The following DLGAP4 variants were observed in gnomAD, a reference collection of about 807,000 sequenced individuals.
DLGAP4 encodes the protein DLG associated protein 4, also known as disks large-associated protein 4.
In DLGAP4, 18 loss-of-function variants were observed where a neutral mutation model predicts 86.9. The ratio of observed to expected loss-of-function variants is 0.21; its 90% confidence interval spans 0.14 to 0.31. DLGAP4 has a LOEUF of 0.31. Ranked by LOEUF, DLGAP4 falls within the 10% of genes least tolerant of loss-of-function variation. DLGAP4 has a pLI of 1.00. For missense variants in DLGAP4, 1,085 were observed against 1,362.6 expected, an observed-to-expected ratio of 0.80 and a Z score of 3.21; for synonymous variants, 548 against 574.3, an observed-to-expected ratio of 0.95 and a Z score of 0.65.
chr20:36,518,991 C>T (rs1207096334), intron 10 of DLGAP4, among the ~76,000 whole-genome samples: 1 of 151,916 alleles, frequency 6.6e-6, no homozygotes, highest in African/African-American at 2.4e-5. Flanking sequence ...GTGGTGCGCG[C>T]CTGTAGTCCC....
chr20:36,447,016 G>A, intron 7 of DLGAP4, 79 bp downstream of exon 7: 1 of 1,518,192 alleles, frequency 6.6e-7, no homozygotes, highest in African/African-American at 1.4e-5. Context: ...GCCAGCCTGG[G>A]AGGATACAGG....
chr20:36,332,453 G>A (rs909716833), intron 1 of DLGAP4, among the ~76,000 whole-genome samples: 26 of 152,018 alleles, frequency 1.7e-4, no homozygotes, highest in African/African-American at 5.1e-4. Flanking sequence ...GCAGTGGCAC[G>A]ATCTCTGTTC....
chr20:36,462,707 G>A lies in DLGAP4; in HGVS notation c.1648+15770G>A, dbSNP rs1445557066. 7 of 1,407,268 alleles carry A rather than the reference G, an allele frequency of 5.0e-6. No homozygotes were observed. The East Asian group carries it at 1.6e-4, about 32-fold the overall frequency. The allele number at this position is 1,407,268 out of a possible 1,614,324, so 87.2% of individuals were successfully genotyped here. On this transcript the variant is annotated intron_variant, in intron 7 of 12. Transcript: ENST00000339266. ...CAAGGGCTGGCGCTAGGGCAAGGGG[G>A]CTCTGAGGCCTCCCACAAAGGGGGA...
At chr20:36,353,912 G>C (rs2030241866) in intron 1 of DLGAP4, among the ~76,000 whole-genome samples, 1 of 152,234 alleles carries the variant, frequency 6.6e-6, no homozygotes, top group African/African-American at 2.4e-5. Flanking sequence ...GAGTCAGAGA[G>C]GTTGAGCGTC....
At chr20:36,497,582 C>T in intron 8 of DLGAP4, 1 of 988,018 alleles carries the variant, frequency 1.0e-6, no homozygotes, top group Non-Finnish European at 1.2e-6. Flanking sequence ...TGCCCAGAGC[C>T]CTCTCGGGCC....
intron 2 of DLGAP4, among the ~76,000 whole-genome samples, chr20:36,369,432 A>C (rs1037377263): frequency 6.6e-6 from 1 of 152,194 alleles, no homozygotes; most frequent in Admixed American, 6.5e-5. Flanking sequence ...GTCTCCACTA[A>C]AAATACAAAA....
chr20:36,526,760 A>G lies in DLGAP4; in HGVS notation c.2761-53A>G, dbSNP rs2037795183. The G allele has an allele frequency of 3.7e-5, 55 of 1,494,956 alleles. No homozygotes were observed. In the South Asian group the frequency reaches 6.7e-4, roughly 18 times the overall value. 92.6% of individuals were successfully genotyped at this position (1,494,956 alleles called of 1,614,324 possible). The stretch of plus-strand genomic sequence containing the variant: ...GCATATGGTGGGGGTAGTGCCACAC[A>G]AAACGTGGCACCTTTATTTTATTTT... On this transcript the variant is annotated intron_variant, in intron 12 of 12. Coordinates refer to ENST00000339266, the MANE Select transcript of DLGAP4 (RefSeq NM_001365621.2).
intron 1 of DLGAP4, among the ~76,000 whole-genome samples, chr20:36,330,859 C>T (rs1027610067): frequency 5.9e-5 from 9 of 152,206 alleles, no homozygotes; most frequent in African/African-American, 1.4e-4. Context: ...AGGCGTGAGC[C>T]GCCACGCCCG....
chr20:36,476,293 C>CCCTTG (rs2034915404), intron 7 of DLGAP4, among the ~76,000 whole-genome samples: 1 of 151,040 alleles, frequency 6.6e-6, no homozygotes, highest in Non-Finnish European at 1.5e-5. Flanking sequence ...CCCCATTACC[C>CCCTTG]CCTTGCCTGG....
intron 1 of DLGAP4, among the ~76,000 whole-genome samples, chr20:36,321,880 G>A (rs915003936): frequency 2.0e-5 from 3 of 152,166 alleles, no homozygotes; most frequent in Non-Finnish European, 4.4e-5. Context: ...TTTTGATGCC[G>A]ACCTTCCAGA....
At chr20:36,461,974 C>T (rs1032692205) in intron 7 of DLGAP4, 1 of 985,000 alleles carries the variant, frequency 1.0e-6, no homozygotes, top group East Asian at 1.1e-4. Context: ...CTTCGGGACT[C>T]CCCCTCAGAG....
chr20:36,459,440 G>T (rs1600561071), intron 7 of DLGAP4, among the ~76,000 whole-genome samples: 1 of 152,060 alleles, frequency 6.6e-6, no homozygotes, highest in South Asian at 2.1e-4. Context: ...GCCGTGGCAG[G>T]ATCACAGCTC....
Position 36,416,652 on chromosome 20 carries a change from G to A in DLGAP4, c.-72-14994G>A, listed in dbSNP as rs182803677. ...GGAACCCAGAGGAGGCCTTACCCCCGACTTTTAAGGTCAGGGAAGATTTCT... is the reference window on the plus strand; with the variant it reads ...GGAACCCAGAGGAGGCCTTACCCCCAACTTTTAAGGTCAGGGAAGATTTCT... On this transcript the variant is annotated intron_variant, in intron 2 of 12. Coordinates refer to ENST00000339266, the MANE Select transcript of DLGAP4 (RefSeq NM_001365621.2). Among the ~76,000 whole-genome samples the A allele has an allele frequency of 4.5e-4, 69 of 152,072 alleles. No individual in the cohort carries two copies. In the East Asian group the frequency reaches 6.2e-3, roughly 14 times the overall value.
intron 1 of DLGAP4, among the ~76,000 whole-genome samples, chr20:36,325,865 G>C (rs1474707224): frequency 6.6e-6 from 1 of 151,762 alleles, no homozygotes; most frequent in Non-Finnish European, 1.5e-5. Context: ...TTATAGGCAC[G>C]CACCACCATG....
At chr20:36,363,109 G>C (rs1392188054) in intron 1 of DLGAP4, among the ~76,000 whole-genome samples, 2 of 152,198 alleles carry the variant, frequency 1.3e-5, no homozygotes, top group Non-Finnish European at 2.9e-5. Flanking sequence ...AGGGGGTAAG[G>C]TTCACAGACA....
At chr20:36,404,193 C>A (rs1706495266) in intron 2 of DLGAP4, among the ~76,000 whole-genome samples, 1 of 152,170 alleles carries the variant, frequency 6.6e-6, no homozygotes, top group Admixed American at 6.5e-5. Flanking sequence ...TGTCAGATGT[C>A]CACTCTAAAC....
At position 36,359,541 on chromosome 20, in the gene DLGAP4, G is replaced by A. The variant is rs149157648; in HGVS notation, c.-303-7504G>A. Among the ~76,000 whole-genome samples the A allele has an allele frequency of 1.2e-4, 19 of 152,246 alleles. No individual in the cohort carries two copies. In the East Asian group the frequency reaches 3.1e-3, roughly 25 times the overall value. ...GGCTCTGGAATCTGACCCAGAGTTC[G>A]AATCCCTGCTCAGCCATTTGCTTGC... On this transcript the variant is annotated intron_variant, in intron 1 of 12. Coordinates refer to ENST00000339266, the MANE Select transcript of DLGAP4 (RefSeq NM_001365621.2).
At chr20:36,346,660 G>T (rs959882814) in intron 1 of DLGAP4, among the ~76,000 whole-genome samples, 1 of 152,172 alleles carries the variant, frequency 6.6e-6, no homozygotes, top group Non-Finnish European at 1.5e-5. Flanking sequence ...TCTTATACAA[G>T]CCCCTTGATT....
intron 4 of DLGAP4, among the ~76,000 whole-genome samples, 187 bp from the exon 5 acceptor site, chr20:36,439,567 G>C (rs115967395): frequency 0.018 from 2,788 of 152,330 alleles, 104 homozygotes; most frequent in African/African-American, 0.064. Context: ...GGAAGGAAAG[G>C]GGCTGTAGAA....
Sources: allele counts gnomAD v4.1 joint callset (sites outside exome capture counted in the v4.1 genomes callset), GRCh38; gene constraint gnomAD v4.1.1; transcripts MANE v1.5; gene names NCBI Gene and HGNC (gene_info 2026-07-23, HGNC 2026-07-21).